DLGAP1: variants seen among roughly 807,000 people sequenced by gnomAD.
DLGAP1 encodes the protein disks large-associated protein 1.
Under a neutral mutation model 90.8 loss-of-function variants are expected in DLGAP1, and 11 were observed. The ratio of observed to expected loss-of-function variants is 0.12; its 90% CI spans 0.08 to 0.20. The LOEUF (loss-of-function observed/expected upper bound fraction) is 0.20. DLGAP1 is among the 10% of genes least tolerant of loss of function. The probability of loss-of-function intolerance (pLI) is 1.00; values close to 1 mark genes in which losing one functional copy is unlikely to be tolerated. For missense variants in DLGAP1, 1,050 were observed against 1,333.8 expected (o/e 0.79, Z 3.31); for synonymous variants, 558 against 540.7 (o/e 1.03, Z -0.44).
intron 3 of DLGAP1, among the ~76,000 whole-genome samples, chr18:3,957,670 TTTAC>T (rs1264199947): frequency 6.6e-5 from 10 of 152,328 alleles, no homozygotes; most frequent in Admixed American, 3.3e-4. Context: ...TACTTTATTA[TTTAC>T]TTACTAAATA....
At chr18:3,657,603 CTTTT>C (rs1156440850) in intron 7 of DLGAP1, among the ~76,000 whole-genome samples, 3 of 134,334 alleles carry the variant, frequency 2.2e-5, no homozygotes, top group African/African-American at 2.8e-5. Flanking sequence ...CCATGGAATT[CTTTT>C]TTTTTTTTTT....
intron 1 of DLGAP1, among the ~76,000 whole-genome samples, chr18:4,335,244 A>T (rs1021777059): frequency 6.6e-6 from 1 of 152,000 alleles, no homozygotes; most frequent in African/African-American, 2.4e-5. Context: ...CATCAAAGCC[A>T]TCCCGAAGAA....
chr18:3,994,689 G>T (rs2074033020), intron 3 of DLGAP1, among the ~76,000 whole-genome samples: 1 of 152,100 alleles, frequency 6.6e-6, no homozygotes, highest in African/African-American at 2.4e-5. Context: ...CACTAACTAG[G>T]ATTAGTTACA....
chr18:4,175,644 AG>A (rs1276578335), intron 1 of DLGAP1, among the ~76,000 whole-genome samples: 1 of 152,166 alleles, frequency 6.6e-6, no homozygotes, highest in Non-Finnish European at 1.5e-5. Flanking sequence ...ATGACTTGCC[AG>A]TTTTCCCAGC....
At chr18:3,813,990 A>G in intron 5 of DLGAP1, 69 bp downstream of exon 5, 3 of 1,497,724 alleles carry the variant, frequency 2.0e-6, no homozygotes, top group Non-Finnish European at 2.8e-6. Context: ...TCTAGGAGAC[A>G]CACCATCTGA....
chr18:3,708,398 C>T, intron 7 of DLGAP1: 1 of 456,550 alleles, frequency 2.2e-6, no homozygotes, highest in East Asian at 7.0e-5. Context: ...AGTTGAAGTT[C>T]ATATGGGGTG....
intron 2 of DLGAP1, among the ~76,000 whole-genome samples, chr18:4,028,232 G>A (rs2074734773): frequency 6.6e-6 from 1 of 152,186 alleles, no homozygotes; most frequent in African/African-American, 2.4e-5. Context: ...ATAGGGAACT[G>A]TCTCTCTGTA....
At chr18:3,634,937 C>T (rs756542943) in intron 7 of DLGAP1, among the ~76,000 whole-genome samples, 14 of 152,050 alleles carry the variant, frequency 9.2e-5, no homozygotes, top group Non-Finnish European at 1.6e-4. Flanking sequence ...ATACATGAGG[C>T]GTGTTGAATA....
intron 5 of DLGAP1, among the ~76,000 whole-genome samples, chr18:3,780,280 C>A: frequency 6.6e-6 from 1 of 152,170 alleles, no homozygotes; most frequent in East Asian, 1.9e-4. Flanking sequence ...TGTAATAAAT[C>A]ACCACAAGCT....
intron 9 of DLGAP1, among the ~76,000 whole-genome samples, chr18:3,558,089 T>C (rs746640540): frequency 2.0e-5 from 3 of 152,226 alleles, no homozygotes; most frequent in Non-Finnish European, 4.4e-5. Flanking sequence ...AGTAGTGTTG[T>C]TGCATTCAAC....
At chr18:3,535,080 G>GTC (rs1166080667) in intron 9 of DLGAP1, among the ~76,000 whole-genome samples, 1 of 118,432 alleles carries the variant, frequency 8.4e-6, no homozygotes, top group Non-Finnish European at 1.7e-5. Context: ...CTCTGTGTGT[G>GTC]TGTGTGTGTG....
chr18:3,855,077 G>A (rs1329698954), intron 4 of DLGAP1, among the ~76,000 whole-genome samples: 1 of 152,118 alleles, frequency 6.6e-6, no homozygotes, highest in Non-Finnish European at 1.5e-5. Flanking sequence ...AGAAAATGCA[G>A]TACATATACA....
chr18:4,225,135 A>G (rs2078159075), intron 1 of DLGAP1, among the ~76,000 whole-genome samples: 1 of 152,190 alleles, frequency 6.6e-6, no homozygotes, highest in South Asian at 2.1e-4. Context: ...CCATGAAGGT[A>G]GCATTTAAAC....
At chr18:3,798,418 A>G (rs2066117906) in intron 5 of DLGAP1, among the ~76,000 whole-genome samples, 1 of 151,550 alleles carries the variant, frequency 6.6e-6, no homozygotes, top group African/African-American at 2.4e-5. Context: ...CCTTTTAGGG[A>G]CAGGGACAGG....
intron 1 of DLGAP1, among the ~76,000 whole-genome samples, chr18:4,239,304 G>T (rs2078480998): frequency 6.6e-6 from 1 of 152,134 alleles, no homozygotes; most frequent in Non-Finnish European, 1.5e-5. Flanking sequence ...AGGGATAATT[G>T]ACATCATTTA....
At chr18:4,327,077 T>A (rs1407232824) in intron 1 of DLGAP1, among the ~76,000 whole-genome samples, 2 of 127,960 alleles carry the variant, frequency 1.6e-5, no homozygotes, top group Non-Finnish European at 3.2e-5. Flanking sequence ...ATGAAAAAAA[T>A]GTTAATTAAA....
At chr18:4,427,154 G>A (rs897095632) in intron 1 of DLGAP1, among the ~76,000 whole-genome samples, 3 of 152,130 alleles carry the variant, frequency 2.0e-5, no homozygotes, top group Non-Finnish European at 2.9e-5. Flanking sequence ...AGACACAGTC[G>A]GAGATTAATT....
intron 2 of DLGAP1, among the ~76,000 whole-genome samples, chr18:4,086,678 C>A (rs1486690164): frequency 2.0e-5 from 3 of 151,634 alleles, no homozygotes; most frequent in Non-Finnish European, 4.4e-5. Context: ...GTTTCTAATT[C>A]TTTTAAATTT....
chr18:3,601,581 G>T (rs554075456), intron 7 of DLGAP1, among the ~76,000 whole-genome samples: 2 of 151,966 alleles, frequency 1.3e-5, no homozygotes, highest in African/African-American at 4.8e-5. Context: ...GGTGGTTCAC[G>T]CCTATAATCC....
Sources: gnomAD v4.1 joint callset for allele counts (sites outside exome capture counted in the v4.1 genomes callset) on GRCh38, gnomAD v4.1.1 for gene constraint, MANE v1.5 for transcripts, NCBI Gene and HGNC (gene_info 2026-07-23, HGNC 2026-07-21) for gene names.